FRMD3: variants seen among roughly 807,000 people sequenced by gnomAD.
The protein encoded by FRMD3 is FERM domain containing 3, also known as FERM domain-containing protein 3.
FRMD3 carries 33 observed loss-of-function variants against 70.2 expected under a neutral mutation model. That is an observed-to-expected ratio of 0.47 (90% CI 0.36 to 0.63). The LOEUF (loss-of-function observed/expected upper bound fraction) is 0.63. FRMD3 is among the 20% of genes least tolerant of loss of function. The probability of loss-of-function intolerance (pLI) is 0.00; values close to 1 mark genes in which losing one functional copy is unlikely to be tolerated. For missense variants in FRMD3, 632 were observed against 711.4 expected (o/e 0.89, Z 1.27); for synonymous variants, 279 against 255.9 (o/e 1.09, Z -0.86).
At position 83,312,116 on chromosome 9, in the gene FRMD3, T is replaced by G. The variant is rs909322802; in HGVS notation, c.685-141A>C. On this transcript the variant is annotated intron_variant, in intron 7 of 13. Coordinates refer to ENST00000304195, the MANE Select transcript of FRMD3 (RefSeq NM_174938.6). ...TGATTGTAGCAATAAACTAAGTTTC[T>G]GAGATGGAACTTCTAAGAGCAGGCC... 1.8e-5 allele frequency: 12 copies of G among 659,428 alleles called. No individual in the cohort carries two copies. The African/African-American group carries it at 2.2e-4, about 12-fold the overall frequency. 40.8% of individuals were successfully genotyped at this position (659,428 alleles called of 1,614,324 possible). A position where few individuals can be genotyped will look rare whatever the true frequency, so the allele number is the denominator to read the frequency against.
chr9:83,534,994 A>G (rs943202412), intron 1 of FRMD3, among the ~76,000 whole-genome samples: 1 of 152,208 alleles, frequency 6.6e-6, no homozygotes. Context: ...TATTTTAACT[A>G]TGGGGTAATA....
chr9:83,555,194 A>C, the FRMD3 span, among the ~76,000 whole-genome samples: 31,073 of 150,212 alleles, frequency 0.21, 3,322 homozygotes, highest in East Asian at 0.39. Flanking sequence ...CACCTCAGAC[A>C]CTCCAAAGCC....
At chr9:83,364,703 A>G (rs1428590958) in intron 3 of FRMD3, among the ~76,000 whole-genome samples, 1 of 152,242 alleles carries the variant, frequency 6.6e-6, no homozygotes, top group African/African-American at 2.4e-5. Context: ...CATGATTATA[A>G]AACATATTCT....
rs576247349 is a variant in FRMD3 at position 83,453,414 on chromosome 9, C to T, written c.148-63706G>A. On this transcript the variant is annotated intron_variant, in intron 1 of 13. Coordinates refer to ENST00000304195, the MANE Select transcript of FRMD3 (RefSeq NM_174938.6). ...AATTTATGGATAAGTTCTAACTCTG[C>T]CCTGTCCAATAGGGTAGCCACTATC... Among the ~76,000 whole-genome samples the T allele has an allele frequency of 5.5e-4, 84 of 151,996 alleles. 1 individual carries two copies. The highest frequency in any genetic ancestry group is 3.2e-3 in the Middle Eastern group (1 of 316).
intron 1 of FRMD3, among the ~76,000 whole-genome samples, chr9:83,415,793 C>T (rs145530404): frequency 6.6e-6 from 1 of 151,784 alleles, no homozygotes; most frequent in African/African-American, 2.4e-5. Flanking sequence ...ATTATATTAG[C>T]CTTTTATATG....
At chr9:83,325,866 A>G (rs998533393) in intron 6 of FRMD3, among the ~76,000 whole-genome samples, 3 of 152,194 alleles carry the variant, frequency 2.0e-5, no homozygotes, top group Non-Finnish European at 4.4e-5. Context: ...CAAAAGAATA[A>G]TACTTCATGA....
intron 2 of FRMD3, among the ~76,000 whole-genome samples, chr9:83,385,869 T>TA (rs1825497060): frequency 6.6e-6 from 1 of 152,178 alleles, no homozygotes; most frequent in Non-Finnish European, 1.5e-5. Flanking sequence ...CCAATGATCT[T>TA]AATAGTAGTG....
At chr9:83,331,135 C>A (rs1445258382) in intron 6 of FRMD3, among the ~76,000 whole-genome samples, 2 of 152,198 alleles carry the variant, frequency 1.3e-5, no homozygotes, top group African/African-American at 2.4e-5. Context: ...CTTATGTCTA[C>A]ACAAAAACCT....
intron 1 of FRMD3, among the ~76,000 whole-genome samples, chr9:83,501,619 G>A (rs984489422): frequency 6.6e-6 from 1 of 152,122 alleles, no homozygotes; most frequent in Admixed American, 6.5e-5. Flanking sequence ...ACAAAACTAT[G>A]CATTTTAAAC....
Position 83,267,796 on chromosome 9 carries a change from T to C in FRMD3, c.1196-19280A>G, listed in dbSNP as rs1027118081. ...TGGGACGAAGCCTTTGGAATTAGTG[T>C]GTGTTGCACACTGCACATGTATAGC... is the stretch of plus-strand genomic sequence containing the variant. On this transcript the variant is annotated intron_variant, in intron 13 of 13. Transcript: ENST00000304195. 5.3e-5 allele frequency among the ~76,000 whole-genome samples: 8 copies of C among 152,348 alleles called. 1 individual carries two copies. Among genetic ancestry groups the C allele is most frequent in the Admixed American group, 6.5e-5 (1 of 15,302 alleles).
chr9:83,278,201 T>C (rs927005908), intron 13 of FRMD3, among the ~76,000 whole-genome samples: 2 of 152,144 alleles, frequency 1.3e-5, no homozygotes, highest in Non-Finnish European at 2.9e-5. Flanking sequence ...GCAAAGGTCC[T>C]TGAGATTGCC....
intron 1 of FRMD3, among the ~76,000 whole-genome samples, chr9:83,401,919 G>T (rs10868004): frequency 0.37 from 56,639 of 151,898 alleles, 11,245 homozygotes; most frequent in East Asian, 0.64. Context: ...TCCAACACTG[G>T]GTTTAATTAG....
chr9:83,243,073 T>TGAA, downstream of FRMD3: 1 of 838,740 alleles, frequency 1.2e-6, no homozygotes, highest in South Asian at 1.5e-5. Context: ...TCTTCTTCTG[T>TGAA]GAAGTGACGG....
At chr9:83,362,799 C>CG (rs1450378168) in intron 3 of FRMD3, among the ~76,000 whole-genome samples, 6 of 133,614 alleles carry the variant, frequency 4.5e-5, no homozygotes, top group African/African-American at 1.8e-4. Context: ...CTCCTTCCTT[C>CG]CTTTTTCCTT....
chr9:83,307,764 A>G (rs1353052021), intron 10 of FRMD3, among the ~76,000 whole-genome samples: 1 of 152,196 alleles, frequency 6.6e-6, no homozygotes, highest in Non-Finnish European at 1.5e-5. Flanking sequence ...TACACTAAAA[A>G]CCACAAAACT....
the FRMD3 span, among the ~76,000 whole-genome samples, chr9:83,583,070 T>C: frequency 6.6e-6 from 1 of 152,208 alleles, no homozygotes; most frequent in African/African-American, 2.4e-5. Flanking sequence ...GACTTACAAC[T>C]CATTTCCAGA....
chr9:83,563,927 T>C, the FRMD3 span, among the ~76,000 whole-genome samples: 5 of 152,196 alleles, frequency 3.3e-5, no homozygotes, highest in Non-Finnish European at 7.3e-5. Flanking sequence ...AATTCAGACA[T>C]GTTCCCTTAA....
the FRMD3 span, among the ~76,000 whole-genome samples, chr9:83,553,663 T>G: frequency 6.6e-6 from 1 of 152,218 alleles, no homozygotes; most frequent in Non-Finnish European, 1.5e-5. Context: ...TGCTAATACT[T>G]GTGATGGCAT....
intron 13 of FRMD3, among the ~76,000 whole-genome samples, chr9:83,278,562 G>A (rs1485265238): frequency 6.6e-6 from 1 of 152,190 alleles, no homozygotes; most frequent in Non-Finnish European, 1.5e-5. Context: ...ACTGGGCAAT[G>A]GGAGAAGTTT....
Sources: gnomAD v4.1 joint callset for allele counts (sites outside exome capture counted in the v4.1 genomes callset) on GRCh38, gnomAD v4.1.1 for gene constraint, MANE v1.5 for transcripts, NCBI Gene and HGNC (gene_info 2026-07-23, HGNC 2026-07-21) for gene names.